ULK4: variants seen among roughly 807,000 people sequenced by gnomAD.
The protein encoded by ULK4 is unc-51 like kinase 4.
Under a neutral mutation model 160.6 loss-of-function variants are expected in ULK4, and 133 were observed. The ratio of observed to expected loss-of-function variants is 0.83; its 90% confidence interval spans 0.72 to 0.96. ULK4 has a LOEUF of 0.96. ULK4 is among the 40% of genes least tolerant of loss of function. The pLI is 0.00. For missense variants in ULK4, 1,580 were observed against 1,499.5 expected (o/e 1.05, Z -0.89); for synonymous variants, 534 against 539.8 (o/e 0.99, Z 0.15).
chr3:41,356,257 T>C (rs1349671810), intron 35 of ULK4, among the ~76,000 whole-genome samples: 1 of 152,176 alleles, frequency 6.6e-6, no homozygotes. Context: ...TAATATGAGA[T>C]TGAGATGTGG....
chr3:41,438,770 T>C (rs554137996), intron 34 of ULK4, among the ~76,000 whole-genome samples: 1 of 152,024 alleles, frequency 6.6e-6, no homozygotes, highest in South Asian at 2.1e-4. Flanking sequence ...GAGGCTGCCA[T>C]GAGCTGTGAT....
At chr3:41,290,011 G>C (rs1446571602) in intron 35 of ULK4, among the ~76,000 whole-genome samples, 1 of 152,072 alleles carries the variant, frequency 6.6e-6, no homozygotes, top group Non-Finnish European at 1.5e-5. Context: ...AAGTAGCTGG[G>C]ATTGCAGGCA....
In ULK4 at chr3:41,401,368, T is replaced by C. The variant is rs6787849; in HGVS notation, c.3493-3104A>G. The stretch of plus-strand genomic sequence containing the variant: ...TTTTGTTTTGCCACTGTGTATCCAA[T>C]TGCTCCAGCACCATTCTTGGAAAGG... On this transcript the variant is annotated intron_variant, in intron 34 of 36. Coordinates refer to ENST00000301831, the MANE Select transcript of ULK4 (RefSeq NM_017886.4). Among the ~76,000 whole-genome samples the C allele has an allele frequency of 4.5e-3, 691 of 152,306 alleles. 1 individual carries two copies. The highest frequency in any genetic ancestry group is 0.016 in the African/African-American group (665 of 41,572).
At chr3:41,252,235 C>G (rs188555643) in intron 35 of ULK4, among the ~76,000 whole-genome samples, 317 of 152,156 alleles carry the variant, frequency 2.1e-3, no homozygotes, top group Non-Finnish European at 3.4e-3. Flanking sequence ...GGATACAATT[C>G]AAAATTACTT....
intron 32 of ULK4, among the ~76,000 whole-genome samples, chr3:41,540,484 G>A (rs2086658897): frequency 6.6e-6 from 1 of 152,190 alleles, no homozygotes; most frequent in Admixed American, 6.5e-5. Context: ...TGTGGATAGT[G>A]CCACAATAAA....
Position 41,938,145 on chromosome 3 carries a change from C to A in ULK4, c.191G>T (p.Trp64Leu), listed in dbSNP as rs770139303. 1 of 1,613,242 alleles carries A rather than the reference C, an allele frequency of 6.2e-7. No homozygotes were observed. The highest frequency in any genetic ancestry group is 1.1e-5 in the South Asian group (1 of 90,994). ...KHKNIVTFHE[W>L]YETSNHLWLV... is the part of the protein sequence containing the mutation. Reference sequence around the variant, plus strand: ...CCAGAGGTGGTTGCTTGTTTCATACCATTCATGAAAAGTTACAATATTCTT... The same window carrying A: ...CCAGAGGTGGTTGCTTGTTTCATACAATTCATGAAAAGTTACAATATTCTT... Residue 64 changes from tryptophan to leucine, a missense_variant, in exon 3 of 37, where the codon TGG becomes TTG. Coordinates refer to ENST00000301831, the MANE Select transcript of ULK4 (RefSeq NM_017886.4).
intron 30 of ULK4, among the ~76,000 whole-genome samples, chr3:41,638,371 T>G (rs2034046657): frequency 6.6e-6 from 1 of 152,168 alleles, no homozygotes; most frequent in Non-Finnish European, 1.5e-5. Flanking sequence ...GACCATTTGT[T>G]TATCCTGTAA....
At chr3:41,279,310 T>C (rs1055179229) in intron 35 of ULK4, among the ~76,000 whole-genome samples, 1 of 135,488 alleles carries the variant, frequency 7.4e-6, no homozygotes, top group Non-Finnish European at 1.6e-5. Flanking sequence ...TATGAGACTA[T>C]GTGAAAAGAC....
intron 32 of ULK4, among the ~76,000 whole-genome samples, chr3:41,485,721 A>C (rs2084503067): frequency 6.6e-6 from 1 of 152,208 alleles, no homozygotes; most frequent in South Asian, 2.1e-4. Context: ...ATCAGCAGGG[A>C]GCGCATTTCA....
chr3:41,530,400 C>T (rs975192150), intron 32 of ULK4, among the ~76,000 whole-genome samples: 5 of 151,998 alleles, frequency 3.3e-5, no homozygotes, highest in Admixed American at 3.3e-4. Flanking sequence ...TGCACTGGGC[C>T]CTTATGTCAT....
intron 30 of ULK4, among the ~76,000 whole-genome samples, chr3:41,660,500 T>A (rs573963433): frequency 6.6e-6 from 1 of 152,318 alleles, no homozygotes; most frequent in East Asian, 1.9e-4. Flanking sequence ...CATTCCAAAA[T>A]GTTAGACTTA....
intron 30 of ULK4, among the ~76,000 whole-genome samples, chr3:41,635,732 T>C (rs1289264717): frequency 6.6e-6 from 1 of 152,160 alleles, no homozygotes; most frequent in Non-Finnish European, 1.5e-5. Flanking sequence ...GAGCCATAGA[T>C]TGGTGAAGCA....
At chr3:41,759,614 G>A (rs1322353963) in intron 21 of ULK4, among the ~76,000 whole-genome samples, 5 of 152,162 alleles carry the variant, frequency 3.3e-5, no homozygotes, top group African/African-American at 9.7e-5. Flanking sequence ...AGGGCATTTT[G>A]TGGATGTAAA....
chr3:41,722,094 C>T (rs531593081), intron 22 of ULK4, among the ~76,000 whole-genome samples: 1 of 152,116 alleles, frequency 6.6e-6, no homozygotes, highest in South Asian at 2.1e-4. Context: ...GGATAATGCC[C>T]GCCTTATAGG....
At chr3:41,807,700 A>G (rs1033404056) in intron 19 of ULK4, among the ~76,000 whole-genome samples, 1 of 152,150 alleles carries the variant, frequency 6.6e-6, no homozygotes, top group South Asian at 2.1e-4. Context: ...TATAGTACAA[A>G]CTACAAGACT....
intron 5 of ULK4, among the ~76,000 whole-genome samples, chr3:41,929,405 G>A (rs1699501457): frequency 6.6e-6 from 1 of 152,136 alleles, no homozygotes; most frequent in South Asian, 2.1e-4. Context: ...GACAAAAAAG[G>A]AAAGCATTCT....
intron 30 of ULK4, among the ~76,000 whole-genome samples, chr3:41,660,243 C>A (rs1016012016): frequency 6.6e-6 from 1 of 151,518 alleles, no homozygotes; most frequent in Non-Finnish European, 1.5e-5. Context: ...TGTGATGAGC[C>A]GAGATTGTGC....
chr3:41,405,283 C>T (rs1038023524), intron 34 of ULK4, among the ~76,000 whole-genome samples: 1 of 152,132 alleles, frequency 6.6e-6, no homozygotes, highest in African/African-American at 2.4e-5. Context: ...CAACTCCATC[C>T]ATGTTGCTGC....
intron 35 of ULK4, among the ~76,000 whole-genome samples, chr3:41,292,153 G>A (rs1056965456): frequency 1.3e-5 from 2 of 151,962 alleles, no homozygotes; most frequent in African/African-American, 4.8e-5. Flanking sequence ...TTTTCTCTAG[G>A]TATATTATTT....
Sources: gnomAD v4.1 joint callset for allele counts (sites outside exome capture counted in the v4.1 genomes callset) on GRCh38, gnomAD v4.1.1 for gene constraint, MANE v1.5 for transcripts, NCBI Gene and HGNC (gene_info 2026-07-23, HGNC 2026-07-21) for gene names.